PCDHGB3: variants seen among roughly 807,000 people sequenced by gnomAD.
PCDHGB3 encodes the protein protocadherin gamma-B3.
A neutral mutation model predicts 59.2 loss-of-function variants in PCDHGB3; 40 were observed. The observed-to-expected ratio is 0.68, with a 90% CI of 0.52 to 0.88. The LOEUF (loss-of-function observed/expected upper bound fraction) is 0.88, where lower values mean the gene tolerates loss of function less well. Ranked by LOEUF, PCDHGB3 falls within the 40% of genes least tolerant of loss-of-function variation. PCDHGB3 has a pLI of 0.00. For synonymous variants in PCDHGB3, 581 were observed against 503.6 expected (o/e 1.15, Z -2.06); for missense variants, 1,309 against 1,187.9 (o/e 1.10, Z -1.50).
intron 1 of PCDHGB3, chr5:141,389,228 G>A (rs1172706843): frequency 2.5e-6 from 4 of 1,614,024 alleles, no homozygotes; most frequent in African/African-American, 2.7e-5. Context: ...ACAACGCTCC[G>A]GTTTTCTCAC....
rs754384717 is a variant in PCDHGB3 at position 141,385,373 on chromosome 5, T to C, written c.2415+12564T>C. The C allele has an allele frequency of 3.9e-6, 6 of 1,529,356 alleles. No individual in the cohort carries two copies. The East Asian group carries it at 1.4e-4, about 35-fold the overall frequency. 94.7% of individuals were successfully genotyped at this position (1,529,356 alleles called of 1,614,324 possible). ...CCATGAGGAATTTATTTGCATGATA[T>C]TTCTCTATTATTTTGCAAAACAAAT... On this transcript the variant is annotated intron_variant, in intron 1 of 3. Coordinates refer to ENST00000576222, the MANE Select transcript of PCDHGB3 (RefSeq NM_018924.5).
chr5:141,496,888 T>TAAA (rs35063790), intron 2 of PCDHGB3, among the ~76,000 whole-genome samples: 5 of 134,118 alleles, frequency 3.7e-5, no homozygotes, highest in East Asian at 4.4e-4. Context: ...AAGTAACACT[T>TAAA]AAAAAAAAAA....
intron 1 of PCDHGB3, chr5:141,408,899 A>G (rs1379621758): frequency 1.2e-6 from 2 of 1,613,316 alleles, no homozygotes; most frequent in Non-Finnish European, 8.5e-7. Context: ...AATTTCTGTC[A>G]AGGATACCAA....
Position 141,422,656 on chromosome 5 carries a change from G to T in PCDHGB3, c.2415+49847G>T, listed in dbSNP as rs759548203. The T allele has an allele frequency of 7.5e-6, 12 of 1,609,898 alleles. 1 individual carries two copies. The African/African-American group carries it at 1.1e-4, about 14-fold the overall frequency. On this transcript the variant is annotated intron_variant, in intron 1 of 3. Transcript: ENST00000576222. The stretch of plus-strand genomic sequence containing the variant: ...GGGTGCCTCCATCTTCTCAGTGACC[G>T]CCCTCGACCCGGACAGCAAACAGAA...
Position 141,431,583 on chromosome 5 carries a change from C to A in PCDHGB3, c.2415+58774C>A, listed in dbSNP as rs771534481. On this transcript the variant is annotated intron_variant, in intron 1 of 3. Transcript: ENST00000576222. The surrounding 1 kb of genome is among the most constrained non-coding windows in gnomAD (Gnocchi z 4.8). ...ACCGACCCTGACGAAGGAGTCAATGCGGAAGTGAGGTATTCCTTCCGGTAT... is the reference window on the plus strand; with the variant it reads ...ACCGACCCTGACGAAGGAGTCAATGAGGAAGTGAGGTATTCCTTCCGGTAT... The A allele has an allele frequency of 1.1e-5, 18 of 1,614,008 alleles. No individual in the cohort carries two copies. In the South Asian group the frequency reaches 1.2e-4, roughly 11 times the overall value.
At chr5:141,446,039 A>G (rs1349676116) in intron 1 of PCDHGB3, among the ~76,000 whole-genome samples, 1 of 152,180 alleles carries the variant, frequency 6.6e-6, no homozygotes, top group African/African-American at 2.4e-5. Context: ...TAAGAAATGG[A>G]AGAAGAGCTG....
intron 1 of PCDHGB3, chr5:141,404,334 T>TC: frequency 6.2e-7 from 1 of 1,613,882 alleles, no homozygotes; most frequent in Non-Finnish European, 8.5e-7. Context: ...TCAGTCTACC[T>TC]CCCGGAAAAC....
chr5:141,497,812 T>C (rs947015544), intron 2 of PCDHGB3, among the ~76,000 whole-genome samples: 2 of 152,202 alleles, frequency 1.3e-5, no homozygotes, highest in African/African-American at 4.8e-5. Flanking sequence ...AGTGCTAGAA[T>C]TACAGGTGTG....
chr5:141,388,849 G>A, intron 1 of PCDHGB3: 1 of 1,614,026 alleles, frequency 6.2e-7, no homozygotes, highest in Non-Finnish European at 8.5e-7. Flanking sequence ...GCAAGGGACG[G>A]TGGAGGAATG....
At chr5:141,410,084 A>G in intron 1 of PCDHGB3, 3 of 1,612,532 alleles carry the variant, frequency 1.9e-6, no homozygotes, top group Non-Finnish European at 2.5e-6. Context: ...GGAGGTGCGC[A>G]CGGCTCGAGC....
rs775489120 is a variant in PCDHGB3 at position 141,418,594 on chromosome 5, C to T, written c.2415+45785C>T. ...ACAACCCCCCAGTGTTCAGCCAGGA[C>T]GTGTACAGGGTTAGCCTTCGGGAAG... On this transcript the variant is annotated intron_variant, in intron 1 of 3. Coordinates refer to ENST00000576222, the MANE Select transcript of PCDHGB3 (RefSeq NM_018924.5). The T allele has an allele frequency of 3.1e-6, 5 of 1,614,022 alleles. No individual in the cohort carries two copies. In the Admixed American group the frequency reaches 8.3e-5, roughly 27 times the overall value.
At chr5:141,420,527 G>T (rs368419425) in intron 1 of PCDHGB3, 3 of 349,150 alleles carry the variant, frequency 8.6e-6, no homozygotes, top group Non-Finnish European at 1.5e-5. Flanking sequence ...ATACCTTTCG[G>T]TTAAAAATAT....
At position 141,372,803 on chromosome 5, in the gene PCDHGB3, G is replaced by A. The variant is rs539583252; in HGVS notation, c.2409G>A (p.Leu803=). The change falls in exon 1 of 4, where the codon TTG becomes TTA. Residue 803 remains leucine (L), a synonymous_variant. Coordinates refer to ENST00000576222, the MANE Select transcript of PCDHGB3 (RefSeq NM_018924.5). ...AAATGCCTTCTAATTCAGGCAATTTGCAAAAGGTGAGTTTCTTCAAACCTT... is the reference window on the plus strand; with the variant it reads ...AAATGCCTTCTAATTCAGGCAATTTACAAAAGGTGAGTTTCTTCAAACCTT... ...NPEMPSNSGN[L]QKQAPPNTDW... The A allele has an allele frequency of 4.5e-5, 71 of 1,593,016 alleles. No individual in the cohort carries two copies. Among genetic ancestry groups the A allele is most frequent in the Non-Finnish European group, 6.1e-5 (71 of 1,169,072 alleles).
chr5:141,414,412 G>A, intron 1 of PCDHGB3: 1 of 1,613,832 alleles, frequency 6.2e-7, no homozygotes, highest in South Asian at 1.1e-5. Flanking sequence ...GATACACAGA[G>A]CCCTTGACAG....
intron 2 of PCDHGB3, among the ~76,000 whole-genome samples, chr5:141,496,505 A>G (rs1166234572): frequency 1.3e-5 from 2 of 152,144 alleles, no homozygotes; most frequent in Non-Finnish European, 2.9e-5. Flanking sequence ...TGTTGCCACA[A>G]GGACCCAGGA....
chr5:141,408,345 G>A (rs370026579), intron 1 of PCDHGB3: 3 of 1,613,812 alleles, frequency 1.9e-6, no homozygotes, highest in Non-Finnish European at 2.5e-6. Context: ...TCGGTGGTGG[G>A]GAACCTCGCT....
chr5:141,499,261 GT>G (rs2099790689), intron 2 of PCDHGB3, among the ~76,000 whole-genome samples: 1 of 152,022 alleles, frequency 6.6e-6, no homozygotes, highest in South Asian at 2.1e-4. Context: ...TCTCCATTTG[GT>G]CCCTAGACTG....
At chr5:141,504,671 G>C (rs1459848730) in intron 2 of PCDHGB3, among the ~76,000 whole-genome samples, 1 of 111,068 alleles carries the variant, frequency 9.0e-6, no homozygotes, top group East Asian at 3.2e-4. Context: ...GGGGGGTGGG[G>C]GTTCTTGTAA....
At chr5:141,459,108 A>G (rs1240280274) in intron 1 of PCDHGB3, among the ~76,000 whole-genome samples, 1 of 152,216 alleles carries the variant, frequency 6.6e-6, no homozygotes, top group Non-Finnish European at 1.5e-5. Flanking sequence ...ATGCATTTTG[A>G]CAATTGTTTA....
Sources: gnomAD v4.1 joint callset for allele counts (sites outside exome capture counted in the v4.1 genomes callset) on GRCh38, gnomAD v4.1.1 for gene constraint, Gnocchi (gnomAD v3.1) non-coding constraint, MANE v1.5 for transcripts, NCBI Gene and HGNC (gene_info 2026-07-23, HGNC 2026-07-21) for gene names.